Variants in CSMD2 observed in about 807,000 individuals in gnomAD.
CSMD2 encodes CUB and sushi domain-containing protein 2.
In CSMD2, 130 loss-of-function variants were observed where a neutral mutation model predicts 398.5. That is an observed-to-expected ratio of 0.33 (90% CI 0.28 to 0.38). The LOEUF (loss-of-function observed/expected upper bound fraction) is 0.38, where lower values mean the gene tolerates loss of function less well. CSMD2 is among the 10% of genes least tolerant of loss of function. The probability of loss-of-function intolerance (pLI) is 1.00; values close to 1 mark genes in which losing one functional copy is unlikely to be tolerated. For missense variants in CSMD2, 3,829 were observed against 4,764.9 expected, an observed-to-expected ratio of 0.80 and a Z score of 5.78; for synonymous variants, 1,828 against 1,908.5, an observed-to-expected ratio of 0.96 and a Z score of 1.10.
At chr1:33,648,124 A>T (rs1643555649) in intron 28 of CSMD2, among the ~76,000 whole-genome samples, 1 of 152,112 alleles carries the variant, frequency 6.6e-6, no homozygotes, top group South Asian at 2.1e-4. Flanking sequence ...GCACTTTGGG[A>T]GGCTGAGGTG....
intron 10 of CSMD2, among the ~76,000 whole-genome samples, chr1:33,802,375 C>T (rs1655704110): frequency 6.6e-6 from 1 of 152,204 alleles, no homozygotes; most frequent in Non-Finnish European, 1.5e-5. Context: ...ACTGTAAGTT[C>T]TTCCTGTTCC....
chr1:34,066,443 G>A (rs1655124262), intron 2 of CSMD2, among the ~76,000 whole-genome samples: 1 of 152,036 alleles, frequency 6.6e-6, no homozygotes, highest in African/African-American at 2.4e-5. Context: ...CACCAACAAA[G>A]TCAGCAGAAA....
chr1:34,096,095 G>T (rs953630553), intron 1 of CSMD2, among the ~76,000 whole-genome samples: 2,164 of 152,010 alleles, frequency 0.014, 19 homozygotes, highest in Non-Finnish European at 0.022. Context: ...GGGATGCAAG[G>T]CTGGTTCAAT....
chr1:33,541,681 T>G (rs1656356821), intron 58 of CSMD2, among the ~76,000 whole-genome samples: 1 of 152,178 alleles, frequency 6.6e-6, no homozygotes, highest in Non-Finnish European at 1.5e-5. Flanking sequence ...AGTCCTGTCC[T>G]TGCCCACACT....
intron 46 of CSMD2, among the ~76,000 whole-genome samples, chr1:33,584,486 A>G (rs921557621): frequency 7.2e-5 from 11 of 152,160 alleles, no homozygotes; most frequent in African/African-American, 2.7e-4. Flanking sequence ...CCTGGCCAAC[A>G]TGGTGAAGCC....
intron 67 of CSMD2, among the ~76,000 whole-genome samples, chr1:33,522,179 G>A (rs1029090772): frequency 4.6e-5 from 7 of 152,190 alleles, no homozygotes; most frequent in Non-Finnish European, 4.4e-5. Flanking sequence ...GGATGCCTGT[G>A]CTCCTGGGTA....
chr1:34,099,179 G>A (rs1355964361), intron 1 of CSMD2, among the ~76,000 whole-genome samples: 2 of 152,094 alleles, frequency 1.3e-5, no homozygotes, highest in Non-Finnish European at 2.9e-5. Context: ...CACTGGTACA[G>A]GTACCAGATT....
chr1:34,019,142 T>A (rs1648544069), intron 3 of CSMD2, among the ~76,000 whole-genome samples: 1 of 152,282 alleles, frequency 6.6e-6, no homozygotes, highest in African/African-American at 2.4e-5. Flanking sequence ...AATGTTAAAA[T>A]GTAAGGCACT....
intron 2 of CSMD2, among the ~76,000 whole-genome samples, chr1:34,063,491 C>T (rs1226578158): frequency 6.6e-6 from 1 of 152,168 alleles, no homozygotes; most frequent in Non-Finnish European, 1.5e-5. Flanking sequence ...GTCCGAAATC[C>T]AGATGGGGCA....
chr1:33,876,900 C>G (rs1479292311), intron 5 of CSMD2, among the ~76,000 whole-genome samples: 2 of 152,164 alleles, frequency 1.3e-5, no homozygotes, highest in Non-Finnish European at 2.9e-5. Context: ...TTTAGAAGGT[C>G]AAAACATTCT....
chr1:33,697,367 G>A (rs186221172), intron 24 of CSMD2, among the ~76,000 whole-genome samples: 22 of 152,254 alleles, frequency 1.4e-4, no homozygotes, highest in African/African-American at 4.1e-4. Context: ...GATGGAGGGC[G>A]AAAGGGGAGA....
rs1156963153 is a variant in CSMD2, at chr1:33,515,683, T to C, written c.*941A>G. 1 of 152,248 alleles carries C rather than the reference T, an allele frequency of 6.6e-6. No individual in the cohort carries two copies. 9.4% of individuals were successfully genotyped at this position (152,248 alleles called of 1,614,324 possible). A position where few individuals can be genotyped will look rare whatever the true frequency, so the allele number is the denominator to read the frequency against. Reference sequence around the variant, plus strand: ...CCCCAGTACATGATAGCCATTGTTTTTTGGGTACTGGGGCAGGCTTGCTCC... The same window carrying C: ...CCCCAGTACATGATAGCCATTGTTTCTTGGGTACTGGGGCAGGCTTGCTCC... On this transcript the variant is annotated 3_prime_UTR_variant, in exon 71 of 71. Transcript: ENST00000373381.
chr1:34,054,861 C>A (rs1430256839), intron 2 of CSMD2, among the ~76,000 whole-genome samples: 1 of 152,164 alleles, frequency 6.6e-6, no homozygotes, highest in Non-Finnish European at 1.5e-5. Context: ...CCCAGAACTA[C>A]GTCTCTGTAA....
intron 1 of CSMD2, among the ~76,000 whole-genome samples, chr1:34,139,243 G>C (rs966033784): frequency 6.6e-6 from 1 of 152,120 alleles, no homozygotes; most frequent in Non-Finnish European, 1.5e-5. Context: ...TGGATTAATG[G>C]GTTATCATGG....
chr1:34,068,052 C>T (rs1158894835), intron 2 of CSMD2, among the ~76,000 whole-genome samples: 2 of 152,202 alleles, frequency 1.3e-5, no homozygotes, highest in East Asian at 3.9e-4. Context: ...GAGACAGGGA[C>T]CCTCAGTTCT....
chr1:33,894,510 T>C (rs1477810539), intron 5 of CSMD2, among the ~76,000 whole-genome samples: 1 of 152,192 alleles, frequency 6.6e-6, no homozygotes, highest in Non-Finnish European at 1.5e-5. Flanking sequence ...CCCTCATTCC[T>C]TGGGTGGGAT....
chr1:33,905,224 T>G (rs1274598625), intron 5 of CSMD2, among the ~76,000 whole-genome samples: 1 of 152,028 alleles, frequency 6.6e-6, no homozygotes, highest in Admixed American at 6.6e-5. Context: ...GTGTGATTTG[T>G]TGGGGCTAGC....
At chr1:33,953,864 C>T (rs1261555782) in intron 3 of CSMD2, among the ~76,000 whole-genome samples, 1 of 152,144 alleles carries the variant, frequency 6.6e-6, no homozygotes, top group Admixed American at 6.5e-5. Context: ...TCAGACTAGC[C>T]TTCATTTGCA....
At chr1:34,004,457 GTTTTT>G (rs34932774) in intron 3 of CSMD2, among the ~76,000 whole-genome samples, 19 of 151,590 alleles carry the variant, frequency 1.3e-4, no homozygotes, top group African/African-American at 4.4e-4. Context: ...AGTAATCAAG[GTTTTT>G]TTTTGTTTGT....
Sources: allele counts gnomAD v4.1 joint callset (sites outside exome capture counted in the v4.1 genomes callset), GRCh38; gene constraint gnomAD v4.1.1; transcripts MANE v1.5; gene names NCBI Gene and HGNC (gene_info 2026-07-23, HGNC 2026-07-21).